DNAH10: variants seen among roughly 807,000 people sequenced by gnomAD.
DNAH10 encodes the protein axonemal beta dynein heavy chain 10.
A neutral mutation model predicts 506.6 loss-of-function variants in DNAH10; 348 were observed. That is an observed-to-expected ratio of 0.69 (90% CI 0.63 to 0.75). DNAH10 has a LOEUF of 0.75. Ranked by LOEUF, DNAH10 falls within the 30% of genes least tolerant of loss-of-function variation. The probability of loss-of-function intolerance (pLI) is 0.00; values close to 1 mark genes in which losing one functional copy is unlikely to be tolerated. For missense variants in DNAH10, 5,179 were observed against 5,787.1 expected, an observed-to-expected ratio of 0.89 and a Z score of 3.41; for synonymous variants, 2,059 against 2,198.6, an observed-to-expected ratio of 0.94 and a Z score of 1.78.
chr12:123,842,052 G>A (rs561042887), intron 30 of DNAH10, among the ~76,000 whole-genome samples: 2 of 152,332 alleles, frequency 1.3e-5, no homozygotes, highest in East Asian at 3.9e-4. Flanking sequence ...ACCCGATGCA[G>A]TACTCTCAAA....
chr12:123,918,983 G>A (rs200489646), intron 65 of DNAH10, 34 bp downstream of exon 65: 409 of 1,527,904 alleles, frequency 2.7e-4, no homozygotes, highest in Non-Finnish European at 1.5e-4. Context: ...ACATGTTAGT[G>A]TAGTTTGGTG....
rs936849495 is a variant in DNAH10 at position 123,889,361 on chromosome 12, G to T, written c.8995+2048G>T. Among the ~76,000 whole-genome samples, 5 of 152,182 alleles carry T rather than the reference G, an allele frequency of 3.3e-5. No individual in the cohort carries two copies. The South Asian group carries it at 1.0e-3, about 32-fold the overall frequency. ...TTTTGATCATTGCGTTTTAAGTTGCGTCTGTTTCAGTGGGTTGTCGGCTCC... is the reference window on the plus strand; with the variant it reads ...TTTTGATCATTGCGTTTTAAGTTGCTTCTGTTTCAGTGGGTTGTCGGCTCC... On this transcript the variant is annotated intron_variant, in intron 52 of 78. Coordinates refer to ENST00000673944, the MANE Select transcript of DNAH10 (RefSeq NM_001372106.1).
At chr12:123,908,879 T>A (rs1953932920) in intron 57 of DNAH10, among the ~76,000 whole-genome samples, 1 of 152,020 alleles carries the variant, frequency 6.6e-6, no homozygotes, top group South Asian at 2.1e-4. Context: ...GTGATGATGA[T>A]GATGATAATG....
In DNAH10 at chr12:123,925,215, C is replaced by T. The variant is rs376145089; in HGVS notation, c.11921+11C>T. 5.6e-6 allele frequency: 9 copies of T among 1,613,438 alleles called. No homozygotes were observed. The highest frequency in any genetic ancestry group is 5.3e-5 in the African/African-American group (4 of 74,896). ...AACAATGGGAGAGAAGTAAGTGTGT[C>T]GTTTTGTTGATTTGCCACTTTCCGT... On this transcript the variant is annotated intron_variant, in intron 68 of 78. Coordinates refer to ENST00000673944, the MANE Select transcript of DNAH10 (RefSeq NM_001372106.1). The surrounding 1 kb of genome is among the most constrained non-coding windows in gnomAD (Gnocchi z 4.0).
chr12:123,770,819 A>C (rs1957224046), intron 2 of DNAH10, among the ~76,000 whole-genome samples: 1 of 152,138 alleles, frequency 6.6e-6, no homozygotes, highest in African/African-American at 2.4e-5. Context: ...CTGAGGGCTC[A>C]GACTTGGTGT....
chr12:123,813,965 G>A, intron 21 of DNAH10, 53 bp downstream of exon 21: 4 of 1,491,944 alleles, frequency 2.7e-6, no homozygotes, highest in South Asian at 1.4e-5. Flanking sequence ...GACCACTAAC[G>A]ACCCTTTTCA....
intron 24 of DNAH10, among the ~76,000 whole-genome samples, chr12:123,825,564 T>C (rs562115219): frequency 6.6e-6 from 1 of 152,320 alleles, no homozygotes; most frequent in South Asian, 2.1e-4. Flanking sequence ...TATTGTATTA[T>C]TCCATTCATA....
At chr12:123,852,719 A>G in intron 35 of DNAH10, among the ~76,000 whole-genome samples, 1 of 152,078 alleles carries the variant, frequency 6.6e-6, no homozygotes, top group East Asian at 1.9e-4. Flanking sequence ...GATTATAGGC[A>G]TGCGCCACCA....
chr12:123,845,282 G>C (rs1002519173), intron 30 of DNAH10, among the ~76,000 whole-genome samples: 4 of 152,166 alleles, frequency 2.6e-5, no homozygotes, highest in African/African-American at 9.7e-5. Context: ...ACAGGCGTGA[G>C]CTACCACGAC....
rs554908826 is a variant in DNAH10 at position 123,857,021 on chromosome 12, A to AAC, written c.6439-34_6439-33insCA. On this transcript the variant is annotated intron_variant, in intron 36 of 78. Coordinates refer to ENST00000673944, the MANE Select transcript of DNAH10 (RefSeq NM_001372106.1). The stretch of plus-strand genomic sequence containing the variant: ...AGTCCAAAGCACTGGGTTCCTTTGG[A>AAC]AATCTCTTGGAAACATGTGTTTCAT... 3.5e-3 allele frequency: 5,552 copies of AAC among 1,569,084 alleles called. 23 individuals carry two copies. Among genetic ancestry groups the AAC allele is most frequent in the Non-Finnish European group, 4.4e-3 (5,050 of 1,155,926 alleles).
chr12:123,808,979 T>C (rs1958822468), intron 19 of DNAH10, 26 bp downstream of exon 19: 29 of 1,612,734 alleles, frequency 1.8e-5, no homozygotes, highest in Non-Finnish European at 2.5e-5. Context: ...CTTGTGTCCT[T>C]GCTCAGACGG....
In DNAH10 at chr12:123,917,588, G is replaced by A. The variant is rs373446129; in HGVS notation, c.11007G>A (p.Thr3669=). 3.1e-5 allele frequency: 48 copies of A among 1,551,060 alleles called. No individual in the cohort carries two copies. The highest frequency in any genetic ancestry group is 1.7e-4 in the Middle Eastern group (1 of 5,920). Residue 3669 remains threonine, a synonymous_variant, in exon 64 of 79, where the codon ACG becomes ACA. Coordinates refer to ENST00000673944, the MANE Select transcript of DNAH10 (RefSeq NM_001372106.1). The surrounding 1 kb of genome is among the most constrained non-coding windows in gnomAD (Gnocchi z 5.6). ...GKAMVINYTV[T]LKGLEDQLLS... Reference sequence around the variant, plus strand: ...GCCTCTCACTGTCCCCCACAGTCACGCTGAAGGGCCTGGAGGACCAGCTGC... The same window carrying A: ...GCCTCTCACTGTCCCCCACAGTCACACTGAAGGGCCTGGAGGACCAGCTGC...
chr12:123,833,998 C>T (rs1960858325), intron 27 of DNAH10, among the ~76,000 whole-genome samples: 1 of 152,100 alleles, frequency 6.6e-6, no homozygotes, highest in African/African-American at 2.4e-5. Context: ...TTTTTTTCCT[C>T]CCCAGACCAC....
chr12:123,890,941 T>C (rs1371173186), intron 52 of DNAH10, among the ~76,000 whole-genome samples: 1 of 152,060 alleles, frequency 6.6e-6, no homozygotes, highest in Non-Finnish European at 1.5e-5. Flanking sequence ...CTGCACTAGA[T>C]GAGAATCTGA....
At chr12:123,930,263 G>C (rs1287505050) in intron 72 of DNAH10, 139 bp from the exon 73 acceptor site, 1 of 767,930 alleles carries the variant, frequency 1.3e-6, no homozygotes, top group Non-Finnish European at 2.0e-6. Context: ...GAAAGGTTAT[G>C]CAAGTCAACA....
intron 29 of DNAH10, among the ~76,000 whole-genome samples, chr12:123,840,736 G>T (rs1365098230): frequency 6.6e-6 from 1 of 151,974 alleles, no homozygotes; most frequent in Non-Finnish European, 1.5e-5. Flanking sequence ...TATATGGTGG[G>T]CCCTAAAGGA....
At chr12:123,842,919 G>A (rs568626229) in intron 30 of DNAH10, among the ~76,000 whole-genome samples, 3 of 152,344 alleles carry the variant, frequency 2.0e-5, no homozygotes, top group Admixed American at 2.0e-4. Flanking sequence ...TGCTCTGGGC[G>A]ATTTATTATG....
At chr12:123,877,038 C>G in intron 47 of DNAH10, among the ~76,000 whole-genome samples, 1 of 152,214 alleles carries the variant, frequency 6.6e-6, no homozygotes. Context: ...AGTCCATTCA[C>G]AGCGTTGTGC....
chr12:123,812,973 G>A (rs750138943), intron 19 of DNAH10, among the ~76,000 whole-genome samples, 191 bp from the exon 20 acceptor site: 1 of 152,122 alleles, frequency 6.6e-6, no homozygotes, highest in African/African-American at 2.4e-5. Context: ...GGCTTGCTCC[G>A]GAAGGGAAAT....
Sources: gnomAD v4.1 joint callset for allele counts (sites outside exome capture counted in the v4.1 genomes callset) on GRCh38, gnomAD v4.1.1 for gene constraint, Gnocchi (gnomAD v3.1) non-coding constraint, MANE v1.5 for transcripts, NCBI Gene and HGNC (gene_info 2026-07-23, HGNC 2026-07-21) for gene names.